The following ST8SIA6 variants were observed in gnomAD, a reference collection of about 807,000 sequenced individuals.
The protein encoded by ST8SIA6 is ST8 alpha-N-acetyl-neuraminide alpha-2,8-sialyltransferase 6.
ST8SIA6 carries 39 observed loss-of-function variants against 33.6 expected under a neutral mutation model. The observed-to-expected ratio is 1.16, with a 90% CI of 0.90 to 1.52. The LOEUF is 1.52. Ranked by LOEUF, ST8SIA6 falls within the 40% of genes most tolerant of loss-of-function variation. The pLI is 0.00. For missense variants in ST8SIA6, 441 were observed against 443.8 expected, an observed-to-expected ratio of 0.99 and a Z score of 0.06; for synonymous variants, 172 against 167.2, an observed-to-expected ratio of 1.03 and a Z score of -0.22.
intron 4 of ST8SIA6, among the ~76,000 whole-genome samples, chr10:17,343,384 T>C (rs1848734852): frequency 2.6e-5 from 4 of 152,298 alleles, no homozygotes; most frequent in African/African-American, 2.4e-5. Flanking sequence ...CCACAGAAAA[T>C]ATTGTATTCG....
chr10:17,442,087 T>G (rs1280913024), intron 2 of ST8SIA6, among the ~76,000 whole-genome samples: 4 of 151,904 alleles, frequency 2.6e-5, no homozygotes, highest in Non-Finnish European at 5.9e-5. Flanking sequence ...CAGGCTGGTT[T>G]CAAACTCCTG....
Position 17,320,925 on chromosome 10 carries a change from T to C in ST8SIA6, c.1150A>G (p.Met384Val), listed in dbSNP as rs1432438428. Residue 384 changes from methionine to valine, a missense_variant, in exon 8 of 8, where the codon ATG (methionine) becomes GTG (valine). Physicochemically the swap from Met to Val is conservative, Grantham distance 21. Coordinates refer to ENST00000377602, the MANE Select transcript of ST8SIA6 (RefSeq NM_001004470.3). ...AATTGCAGTTTGAGGATTCCTTTCA[T>C]GTGAAGTTGGAGGATCTGGCTGTAT... ...KEYSQILQLHMKGILKLQFSK... is the reference protein window; with the variant it reads ...KEYSQILQLHVKGILKLQFSK... 2.5e-6 allele frequency: 4 copies of C among 1,614,000 alleles called. No individual in the cohort carries two copies. The highest frequency in any genetic ancestry group is 1.6e-4 in the Middle Eastern group (1 of 6,080).
intron 2 of ST8SIA6, among the ~76,000 whole-genome samples, chr10:17,425,717 AAGGAAGGAAGG>A (rs1184088939): frequency 1.4e-5 from 2 of 138,270 alleles, no homozygotes; most frequent in Non-Finnish European, 3.2e-5. Flanking sequence ...GAAGGAAGGG[AAGGAAGGAAGG>A]AGGAAGGAAG....
intron 3 of ST8SIA6, among the ~76,000 whole-genome samples, chr10:17,364,950 G>T (rs1054221218): frequency 6.6e-6 from 1 of 152,156 alleles, no homozygotes; most frequent in Non-Finnish European, 1.5e-5. Context: ...TAAACAGCTT[G>T]CTCAATATTG....
intron 4 of ST8SIA6, among the ~76,000 whole-genome samples, chr10:17,342,936 C>T (rs961358058): frequency 2.0e-5 from 3 of 152,124 alleles, no homozygotes; most frequent in Admixed American, 6.5e-5. Flanking sequence ...GTGACAGAGA[C>T]ACCCTCTCAA....
intron 4 of ST8SIA6, among the ~76,000 whole-genome samples, chr10:17,333,674 T>TATATATATAC (rs1848372990): frequency 4.1e-5 from 1 of 24,260 alleles, no homozygotes; most frequent in Non-Finnish European, 8.3e-5. Context: ...GGTGCTGGGA[T>TATATATATAC]ATATATATAT....
At chr10:17,368,630 C>T (rs1849638889) in intron 3 of ST8SIA6, among the ~76,000 whole-genome samples, 1 of 151,524 alleles carries the variant, frequency 6.6e-6, no homozygotes, top group African/African-American at 2.4e-5. Context: ...CCAAGGAAGC[C>T]CTCACTGAGA....
chr10:17,362,604 T>C (rs1849425859), intron 3 of ST8SIA6, among the ~76,000 whole-genome samples: 1 of 152,210 alleles, frequency 6.6e-6, no homozygotes, highest in Non-Finnish European at 1.5e-5. Context: ...ACTTTACATG[T>C]TGGTTTCTTG....
intron 3 of ST8SIA6, among the ~76,000 whole-genome samples, chr10:17,387,968 G>A (rs1490538534): frequency 2.6e-5 from 4 of 152,266 alleles, no homozygotes; most frequent in East Asian, 1.9e-4. Context: ...TTTCTGTGTC[G>A]ACCTGACTGG....
At chr10:17,386,384 C>G (rs1312892344) in intron 3 of ST8SIA6, among the ~76,000 whole-genome samples, 1 of 151,334 alleles carries the variant, frequency 6.6e-6, no homozygotes, top group Non-Finnish European at 1.5e-5. Context: ...ACTAATAACA[C>G]AAAAATTAGC....
At chr10:17,324,935 ATAT>A (rs1249755090) in intron 6 of ST8SIA6, among the ~76,000 whole-genome samples, 2 of 145,964 alleles carry the variant, frequency 1.4e-5, no homozygotes, top group African/African-American at 2.5e-5. Flanking sequence ...ATATGCATAC[ATAT>A]TATACATATA....
chr10:17,412,628 C>G (rs1346420123), intron 2 of ST8SIA6, among the ~76,000 whole-genome samples: 1 of 152,176 alleles, frequency 6.6e-6, no homozygotes, highest in Non-Finnish European at 1.5e-5. Context: ...CTTTTTAGGA[C>G]TAAACCTGCA....
chr10:17,400,826 C>T (rs1469601380), intron 2 of ST8SIA6, among the ~76,000 whole-genome samples: 2 of 152,162 alleles, frequency 1.3e-5, no homozygotes, highest in African/African-American at 2.4e-5. Context: ...CAATATCATA[C>T]TGAATGGGCA....
intron 3 of ST8SIA6, among the ~76,000 whole-genome samples, chr10:17,379,041 G>A (rs997156441): frequency 2.0e-5 from 3 of 151,774 alleles, no homozygotes; most frequent in East Asian, 1.9e-4. Context: ...CAGAAGAATC[G>A]CTTGAACCCG....
intron 3 of ST8SIA6, among the ~76,000 whole-genome samples, chr10:17,380,853 TTG>T (rs1554793906): frequency 1.2e-5 from 1 of 86,316 alleles, no homozygotes; most frequent in African/African-American, 4.2e-5. Context: ...GTTTGTGTGT[TTG>T]TGTGTATGTG....
chr10:17,353,010 C>A (rs561243874), intron 4 of ST8SIA6, among the ~76,000 whole-genome samples: 1 of 152,146 alleles, frequency 6.6e-6, no homozygotes, highest in South Asian at 2.1e-4. Context: ...AATGTAGTCA[C>A]CCTGTATGAA....
intron 4 of ST8SIA6, among the ~76,000 whole-genome samples, chr10:17,344,213 C>T (rs2131600397): frequency 6.6e-6 from 1 of 152,312 alleles, no homozygotes; most frequent in South Asian, 2.1e-4. Flanking sequence ...GAAGAAAGCC[C>T]ACACAGTCAC....
intron 3 of ST8SIA6, among the ~76,000 whole-genome samples, chr10:17,373,983 T>G (rs1364280001): frequency 1.3e-5 from 2 of 151,720 alleles, no homozygotes; most frequent in Admixed American, 1.3e-4. Context: ...TTCAGCATAG[T>G]AAAAATGATA....
At chr10:17,325,252 C>CTATTA (rs200712745) in intron 6 of ST8SIA6, among the ~76,000 whole-genome samples, 2,724 of 143,128 alleles carry the variant, frequency 0.019, 30 homozygotes, top group African/African-American at 0.023. Context: ...ATACAATATA[C>CTATTA]TATATTATAT....
Sources: allele counts gnomAD v4.1 joint callset (sites outside exome capture counted in the v4.1 genomes callset), GRCh38; gene constraint gnomAD v4.1.1; transcripts MANE v1.5; gene names NCBI Gene and HGNC (gene_info 2026-07-23, HGNC 2026-07-21).